Variants in NUP93 observed in about 807,000 individuals in gnomAD.
NUP93 encodes nucleoporin 93.
A neutral mutation model predicts 107.8 loss-of-function variants in NUP93; 55 were observed. The observed-to-expected ratio is 0.51, with a 90% CI of 0.41 to 0.64. NUP93 has a LOEUF of 0.64. Ranked by LOEUF, NUP93 falls within the 30% of genes least tolerant of loss-of-function variation. The pLI, the probability that NUP93 is intolerant of heterozygous loss-of-function variation, is 0.00. For synonymous variants in NUP93, 390 were observed against 397.5 expected, an observed-to-expected ratio of 0.98 and a Z score of 0.22; for missense variants, 937 against 1,044.7, an observed-to-expected ratio of 0.90 and a Z score of 1.42.
chr16:56,835,945 G>A (rs1963899952), intron 16 of NUP93, among the ~76,000 whole-genome samples: 1 of 152,030 alleles, frequency 6.6e-6, no homozygotes, highest in Admixed American at 6.6e-5. Flanking sequence ...TGGCTAACAC[G>A]GTGAAACCCT....
chr16:56,748,513 A>G (rs1961861178), intron 2 of NUP93, 87 bp downstream of exon 2: 10 of 1,159,258 alleles, frequency 8.6e-6, no homozygotes, highest in South Asian at 1.6e-5. Flanking sequence ...TTCAGATCCA[A>G]TCTGTGAATG....
At position 56,794,625 on chromosome 16, in the gene NUP93, G is replaced by A. The variant is rs187668402; in HGVS notation, c.298-3851G>A. 1.2e-3 allele frequency among the ~76,000 whole-genome samples: 189 copies of A among 152,038 alleles called. 1 individual carries two copies. The highest frequency in any genetic ancestry group is 4.2e-3 in the African/African-American group (173 of 41,492). Reference sequence around the variant, plus strand: ...GAGAGAGAGAGAGATGTGAACATGGGTGTCATTAAAAGAATGGGATAGGCT... The same window carrying A: ...GAGAGAGAGAGAGATGTGAACATGGATGTCATTAAAAGAATGGGATAGGCT... On this transcript the variant is annotated intron_variant, in intron 3 of 21. Coordinates refer to ENST00000308159, the MANE Select transcript of NUP93 (RefSeq NM_014669.5).
At chr16:56,773,700 A>G (rs187583601) in intron 3 of NUP93, among the ~76,000 whole-genome samples, 5 of 152,334 alleles carry the variant, frequency 3.3e-5, no homozygotes, top group South Asian at 2.1e-4. Context: ...TGTTTTAACA[A>G]GTACTCCAGC....
intron 3 of NUP93, among the ~76,000 whole-genome samples, chr16:56,790,364 C>T (rs1299016994): frequency 6.6e-6 from 1 of 152,166 alleles, no homozygotes; most frequent in East Asian, 1.9e-4. Context: ...AAAAATTTCT[C>T]TGTTCATTTT....
At chr16:56,773,435 G>C (rs965749583) in intron 3 of NUP93, among the ~76,000 whole-genome samples, 1 of 152,218 alleles carries the variant, frequency 6.6e-6, no homozygotes, top group Non-Finnish European at 1.5e-5. Context: ...GGGTTAGGAA[G>C]GGGAAGGAGC....
At chr16:56,810,559 A>C (rs1006152140) in intron 5 of NUP93, among the ~76,000 whole-genome samples, 4 of 152,098 alleles carry the variant, frequency 2.6e-5, no homozygotes, top group Non-Finnish European at 5.9e-5. Context: ...TTGTGCCCAG[A>C]AGGTTGGGGC....
At chr16:56,816,854 G>A (rs1479622929) in intron 5 of NUP93, among the ~76,000 whole-genome samples, 1 of 152,136 alleles carries the variant, frequency 6.6e-6, no homozygotes, top group Non-Finnish European at 1.5e-5. Context: ...GCAGACACCA[G>A]CAATGCTACC....
intron 5 of NUP93, among the ~76,000 whole-genome samples, chr16:56,814,802 C>G (rs964025619): frequency 3.3e-5 from 5 of 152,236 alleles, no homozygotes; most frequent in African/African-American, 1.2e-4. Context: ...CTCTGGCTCC[C>G]TGCTCCTGTC....
At chr16:56,748,663 A>G (rs528375749) in intron 2 of NUP93, among the ~76,000 whole-genome samples, 58 of 152,234 alleles carry the variant, frequency 3.8e-4, no homozygotes, top group African/African-American at 1.4e-3. Context: ...AGAGATGATC[A>G]CAAGGTGGGA....
chr16:56,739,760 C>T (rs1436212446), intron 1 of NUP93, among the ~76,000 whole-genome samples: 9 of 119,050 alleles, frequency 7.6e-5, no homozygotes, highest in East Asian at 3.0e-4. Context: ...GGCGGCTGGC[C>T]GGGCAGAGGG....
chr16:56,809,145 G>A (rs1287379838), intron 5 of NUP93, among the ~76,000 whole-genome samples: 1 of 152,130 alleles, frequency 6.6e-6, no homozygotes, highest in Non-Finnish European at 1.5e-5. Context: ...CAGCAAAAAA[G>A]ATTGTCTCCC....
intron 1 of NUP93, among the ~76,000 whole-genome samples, chr16:56,733,590 T>C (rs1597097736): frequency 6.6e-6 from 1 of 151,668 alleles, no homozygotes. Context: ...GAGAGAGAAG[T>C]GATGAGTCTG....
chr16:56,762,695 A>G (rs1962148058), intron 3 of NUP93, among the ~76,000 whole-genome samples: 1 of 152,198 alleles, frequency 6.6e-6, no homozygotes, highest in South Asian at 2.1e-4. Flanking sequence ...TTGGTGGCCT[A>G]AAACAACAGA....
chr16:56,808,153 T>TAATATATAGTTATATAACTATATAA (rs1567398281), intron 5 of NUP93, among the ~76,000 whole-genome samples: 6 of 64,076 alleles, frequency 9.4e-5, no homozygotes, highest in African/African-American at 2.5e-4. Context: ...TAACTATATA[T>TAATATATAGTTATATAACTATATAA]AATATATAGT....
At chr16:56,833,464 G>A (rs1040697699) in intron 13 of NUP93, 58 bp downstream of exon 13, 18 of 1,385,778 alleles carry the variant, frequency 1.3e-5, no homozygotes, top group Non-Finnish European at 1.6e-5. Flanking sequence ...CCCTTGGGGC[G>A]ACGGTGGCCA....
At chr16:56,761,472 A>G (rs1380444143) in intron 3 of NUP93, among the ~76,000 whole-genome samples, 1 of 151,812 alleles carries the variant, frequency 6.6e-6, no homozygotes, top group African/African-American at 2.4e-5. Context: ...TTTTTTTTTC[A>G]TTTATTTTAA....
At chr16:56,770,128 G>A (rs193235809) in intron 3 of NUP93, among the ~76,000 whole-genome samples, 42 of 152,298 alleles carry the variant, frequency 2.8e-4, no homozygotes, top group East Asian at 5.8e-4. Context: ...ATAAACAAAC[G>A]CAAACTAACA....
intron 3 of NUP93, among the ~76,000 whole-genome samples, chr16:56,795,073 A>C (rs1007438376): frequency 1.3e-5 from 2 of 151,930 alleles, no homozygotes; most frequent in African/African-American, 2.4e-5. Flanking sequence ...ACCAAAAAGA[A>C]AATATTAGAC....
At chr16:56,756,681 T>C (rs1962030175) in intron 2 of NUP93, among the ~76,000 whole-genome samples, 1 of 152,194 alleles carries the variant, frequency 6.6e-6, no homozygotes, top group Admixed American at 6.5e-5. Context: ...GCTGGGTCAA[T>C]GGTATTTCTG....
Sources: allele counts gnomAD v4.1 joint callset (sites outside exome capture counted in the v4.1 genomes callset), GRCh38; gene constraint gnomAD v4.1.1; transcripts MANE v1.5; gene names NCBI Gene and HGNC (gene_info 2026-07-23, HGNC 2026-07-21).